Variants in DAB1 observed in about 807,000 individuals in gnomAD.
The protein encoded by DAB1 is disabled homolog 1.
Under a neutral mutation model 64.6 loss-of-function variants are expected in DAB1, and 15 were observed. The observed-to-expected ratio is 0.23, with a 90% CI of 0.16 to 0.36. DAB1 has a LOEUF of 0.36. Ranked by LOEUF, DAB1 falls within the 10% of genes least tolerant of loss-of-function variation. The pLI, the probability that DAB1 is intolerant of heterozygous loss-of-function variation, is 1.00. For synonymous variants in DAB1, 235 were observed against 251.9 expected (o/e 0.93, Z 0.64); for missense variants, 596 against 706.7 (o/e 0.84, Z 1.78).
chr1:57,994,377 C>T (rs918256931), intron 5 of DAB1, among the ~76,000 whole-genome samples: 2 of 152,204 alleles, frequency 1.3e-5, no homozygotes, highest in Non-Finnish European at 2.9e-5. Context: ...CATCTGCAAC[C>T]TCCCTCTTCC....
intron 7 of DAB1, among the ~76,000 whole-genome samples, chr1:57,620,732 A>C (rs563361073): frequency 6.6e-6 from 1 of 152,284 alleles, no homozygotes; most frequent in Admixed American, 6.5e-5. Flanking sequence ...ACAGATGCAG[A>C]GAGGGAGAGC....
chr1:58,490,979 T>C (rs1244183344), intron 3 of DAB1, among the ~76,000 whole-genome samples: 7 of 151,708 alleles, frequency 4.6e-5, no homozygotes, highest in African/African-American at 1.5e-4. Context: ...CTAAATTTTT[T>C]TGTATTTTTA....
At chr1:58,443,737 T>C (rs1329620070) in intron 3 of DAB1, among the ~76,000 whole-genome samples, 1 of 152,218 alleles carries the variant, frequency 6.6e-6, no homozygotes, top group Non-Finnish European at 1.5e-5. Context: ...TATAAAATAG[T>C]GTATGTTGTA....
chr1:57,131,118 C>T (rs1029556726), intron 4 of DAB1, among the ~76,000 whole-genome samples: 1 of 152,160 alleles, frequency 6.6e-6, no homozygotes, highest in Non-Finnish European at 1.5e-5. Context: ...TTCCTAACCA[C>T]TCCTTAGAGA....
intron 5 of DAB1, among the ~76,000 whole-genome samples, chr1:57,892,320 C>A (rs1644327568): frequency 6.6e-6 from 1 of 152,184 alleles, no homozygotes; most frequent in South Asian, 2.1e-4. Flanking sequence ...CATTCACTCA[C>A]CCCATGGAAT....
chr1:58,460,683 C>A (rs373142871), intron 3 of DAB1, among the ~76,000 whole-genome samples: 100 of 152,200 alleles, frequency 6.6e-4, no homozygotes, highest in African/African-American at 2.3e-3. Context: ...TGTCCGTAGT[C>A]CTGAATCTCA....
intron 2 of DAB1, among the ~76,000 whole-genome samples, chr1:57,223,436 G>A (rs1228412049): frequency 3.3e-5 from 5 of 152,172 alleles, no homozygotes; most frequent in Non-Finnish European, 7.3e-5. Context: ...CTTAGAAACT[G>A]AGAGAATCCT....
chr1:57,953,509 T>G (rs1236051662), intron 5 of DAB1, among the ~76,000 whole-genome samples: 1 of 152,186 alleles, frequency 6.6e-6, no homozygotes, highest in Non-Finnish European at 1.5e-5. Flanking sequence ...CATTATTCTT[T>G]TAAGGTGTCC....
intron 2 of DAB1, among the ~76,000 whole-genome samples, chr1:57,268,199 T>G (rs1458699927): frequency 6.6e-6 from 1 of 152,064 alleles, no homozygotes; most frequent in African/African-American, 2.4e-5. Flanking sequence ...GCACCCGGAG[T>G]GCAGCCACGA....
At chr1:57,953,056 T>G (rs1035436948) in intron 5 of DAB1, among the ~76,000 whole-genome samples, 1 of 152,142 alleles carries the variant, frequency 6.6e-6, no homozygotes, top group Non-Finnish European at 1.5e-5. Flanking sequence ...TCCCATGGAG[T>G]CTCATCTTAT....
intron 6 of DAB1, among the ~76,000 whole-genome samples, chr1:57,659,076 T>C (rs1050278238): frequency 5.3e-5 from 8 of 152,114 alleles, no homozygotes; most frequent in African/African-American, 1.9e-4. Flanking sequence ...AAAATTCTTT[T>C]GCCCCATGAC....
At chr1:58,230,395 C>T (rs958893561) in intron 4 of DAB1, among the ~76,000 whole-genome samples, 3 of 152,184 alleles carry the variant, frequency 2.0e-5, no homozygotes, top group Non-Finnish European at 2.9e-5. Context: ...CCACATCTCT[C>T]GAGACTCCCA....
At chr1:58,431,158 T>C (rs749969201) in intron 3 of DAB1, among the ~76,000 whole-genome samples, 63 of 152,200 alleles carry the variant, frequency 4.1e-4, no homozygotes, top group Non-Finnish European at 6.8e-4. Flanking sequence ...GCTCATGATG[T>C]GATTCCTAAA....
intron 5 of DAB1, among the ~76,000 whole-genome samples, chr1:58,137,430 A>G (rs1412104821): frequency 6.6e-6 from 1 of 152,128 alleles, no homozygotes; most frequent in Non-Finnish European, 1.5e-5. Flanking sequence ...ATATCCATTC[A>G]TCACCATCCA....
intron 1 of DAB1, among the ~76,000 whole-genome samples, chr1:57,347,405 A>G (rs1406419825): frequency 1.3e-5 from 2 of 152,210 alleles, no homozygotes; most frequent in Non-Finnish European, 2.9e-5. Context: ...CAGGATTTCT[A>G]TGATCTCTTC....
At chr1:58,128,892 C>G (rs977849481) in intron 5 of DAB1, among the ~76,000 whole-genome samples, 1 of 149,576 alleles carries the variant, frequency 6.7e-6, no homozygotes, top group African/African-American at 2.5e-5. Context: ...CATCAATGTT[C>G]ATCAAGGATA....
intron 3 of DAB1, among the ~76,000 whole-genome samples, chr1:58,499,513 G>GATAGATAA (rs1553122704): frequency 8.0e-5 from 12 of 149,396 alleles, no homozygotes; most frequent in East Asian, 2.0e-4. Flanking sequence ...TAGATAAATA[G>GATAGATAA]ATAGATAGAT....
At chr1:57,273,553 GCCTTCCTTCCTT>G (rs1191588175) in intron 2 of DAB1, among the ~76,000 whole-genome samples, 24 of 61,976 alleles carry the variant, frequency 3.9e-4, no homozygotes, top group African/African-American at 8.3e-4. Flanking sequence ...CTGCCTGCCT[GCCTTCCTTCCTT>G]CCTTCCTTCC....
intron 5 of DAB1, among the ~76,000 whole-genome samples, chr1:57,922,841 A>G (rs1202819): frequency 0.16 from 13,724 of 86,106 alleles, 1,222 homozygotes; most frequent in African/African-American, 0.27. Context: ...GCGAGACTCC[A>G]TCTCAAAAAA....
Sources: allele counts gnomAD v4.1 joint callset (sites outside exome capture counted in the v4.1 genomes callset), GRCh38; gene constraint gnomAD v4.1.1; transcripts MANE v1.5; gene names NCBI Gene and HGNC (gene_info 2026-07-23, HGNC 2026-07-21).